The following STOX1 variants were observed in gnomAD, a reference collection of about 807,000 sequenced individuals.
STOX1 encodes storkhead box 1.
In STOX1, 57 loss-of-function variants were observed where a neutral mutation model predicts 74.8. The observed-to-expected ratio is 0.76, with a 90% confidence interval of 0.62 to 0.95. The LOEUF (loss-of-function observed/expected upper bound fraction) is 0.95, where lower values mean the gene tolerates loss of function less well. Ranked by LOEUF, STOX1 falls within the 40% of genes least tolerant of loss-of-function variation. The pLI is 0.00. For missense variants in STOX1, 1,010 were observed against 1,117.0 expected (o/e 0.90, Z 1.37); for synonymous variants, 375 against 401.3 (o/e 0.93, Z 0.78).
intron 1 of STOX1, among the ~76,000 whole-genome samples, chr10:68,855,386 G>A (rs1036377657): frequency 2.6e-5 from 4 of 151,424 alleles, no homozygotes; most frequent in African/African-American, 9.7e-5. Flanking sequence ...CTCCCAAAGT[G>A]CTGAGATTAT....
chr10:68,890,106 T>G (rs772776026), intron 3 of STOX1, among the ~76,000 whole-genome samples: 33 of 152,002 alleles, frequency 2.2e-4, no homozygotes, highest in Non-Finnish European at 4.7e-4. Context: ...CACAAGCTTG[T>G]TCTTTTTAAT....
intron 1 of STOX1, among the ~76,000 whole-genome samples, chr10:68,850,711 C>T (rs576439636): frequency 2.6e-5 from 4 of 152,196 alleles, no homozygotes; most frequent in African/African-American, 7.2e-5. Context: ...CAGTGGCTCA[C>T]GCCTGTAATC....
At position 68,884,653 on chromosome 10, in the gene STOX1, T is replaced by TG; in HGVS notation, c.858dup (p.Ser287ValfsTer8). The TG allele has an allele frequency of 6.2e-7, 1 of 1,614,138 alleles. No homozygotes were observed. The highest frequency in any genetic ancestry group is 8.5e-7 in the Non-Finnish European group (1 of 1,180,040). ...TGGGTACAGAATGGGGCAGTTTCAG[T>TG]GTCTGCGGAGCACCACATTTGTGAG... On this transcript the variant is annotated frameshift_variant, in exon 3 of 4. Transcript: ENST00000298596. LOFTEE classifies it high-confidence loss of function.
intron 1 of STOX1, among the ~76,000 whole-genome samples, chr10:68,881,048 T>G (rs1014338023): frequency 4.6e-5 from 7 of 152,196 alleles, no homozygotes; most frequent in African/African-American, 1.7e-4. Context: ...TTGGTGCTTT[T>G]CTTTATTCTC....
intron 1 of STOX1, among the ~76,000 whole-genome samples, chr10:68,848,272 G>T (rs1839902293): frequency 6.6e-6 from 1 of 152,172 alleles, no homozygotes; most frequent in Non-Finnish European, 1.5e-5. Flanking sequence ...CTTAGTCCCT[G>T]CTAATGGATC....
intron 2 of STOX1, among the ~76,000 whole-genome samples, chr10:68,883,472 G>C (rs1840859404): frequency 6.6e-6 from 1 of 151,992 alleles, no homozygotes; most frequent in Admixed American, 6.6e-5. Flanking sequence ...GAGTGCAGTG[G>C]TGCAATTACA....
intron 2 of STOX1, among the ~76,000 whole-genome samples, chr10:68,882,378 GA>G (rs1779839309): frequency 6.6e-6 from 1 of 152,004 alleles, no homozygotes; most frequent in Admixed American, 6.6e-5. Context: ...TGCAAAATGA[GA>G]AAGTAAAGTT....
In STOX1 at chr10:68,852,248, G is replaced by GATTTTT. The variant is rs200461358; in HGVS notation, c.310+24315_310+24316insATTTTT. Among the ~76,000 whole-genome samples the GATTTTT allele has an allele frequency of 5.7e-3, 755 of 131,982 alleles. 48 individuals carry two copies. Among genetic ancestry groups the GATTTTT allele is most frequent in the Middle Eastern group, 9.5e-3 (2 of 210 alleles). 86.6% of individuals were successfully genotyped at this position (131,982 alleles called of 152,430 possible). A position where few individuals can be genotyped will look rare whatever the true frequency, so the allele number is the denominator to read the frequency against. ...TATGAGTTTAAGTTTTTCTCTTACT[G>GATTTTT]CTTTTTTTTTTTTTTTTTTTTGAGA... On this transcript the variant is annotated intron_variant, in intron 1 of 3. Transcript: ENST00000298596.
At chr10:68,845,170 A>G (rs1839806900) in intron 1 of STOX1, among the ~76,000 whole-genome samples, 1 of 151,750 alleles carries the variant, frequency 6.6e-6, no homozygotes, top group Non-Finnish European at 1.5e-5. Flanking sequence ...TGGTGCGATC[A>G]CAGCTCACTG....
intron 1 of STOX1, among the ~76,000 whole-genome samples, chr10:68,880,164 C>CTTTTTTTTTTTTTTTTTTT (rs71028800): frequency 1.1e-4 from 14 of 124,406 alleles, no homozygotes; most frequent in Admixed American, 2.6e-4. Context: ...TCTTTCTTTC[C>CTTTTTTTTTTTTTTTTTTT]TTTTTTTTTT....
chr10:68,862,151 A>G (rs1840281222), intron 1 of STOX1, among the ~76,000 whole-genome samples: 1 of 152,106 alleles, frequency 6.6e-6, no homozygotes, highest in South Asian at 2.1e-4. Context: ...CAGCTGCTGC[A>G]CCAGTAGGCT....
At chr10:68,866,945 G>GTTTTT (rs71474450) in intron 1 of STOX1, among the ~76,000 whole-genome samples, 1,283 of 124,944 alleles carry the variant, frequency 0.01, 58 homozygotes, top group South Asian at 0.056. Flanking sequence ...TGCTTTCCTT[G>GTTTTT]TTTTTTTTTT....
intron 1 of STOX1, among the ~76,000 whole-genome samples, chr10:68,876,458 CA>C (rs569884095): frequency 3.9e-4 from 59 of 151,964 alleles, no homozygotes; most frequent in African/African-American, 1.3e-3. Flanking sequence ...ACCTGGCCAA[CA>C]AAAAAATTTT....
intron 1 of STOX1, among the ~76,000 whole-genome samples, chr10:68,852,877 G>T (rs1457174543): frequency 6.6e-6 from 1 of 151,870 alleles, no homozygotes; most frequent in East Asian, 1.9e-4. Flanking sequence ...GCCTTACTTG[G>T]CAGTTGTCTG....
rs1470085786 is a variant in STOX1 at position 68,893,024 on chromosome 10, A to T, written c.*288A>T. 8.3e-5 allele frequency: 25 copies of T among 299,584 alleles called. No individual in the cohort carries two copies. The highest frequency in any genetic ancestry group is 4.8e-5 in the Admixed American group (1 of 20,710). The allele number at this position is 299,584 out of a possible 1,614,324, so 18.6% of individuals were successfully genotyped here. A position where few individuals can be genotyped will look rare whatever the true frequency, so the allele number is the denominator to read the frequency against. ...CCAATTGTAATTATCTTGAATTTTT[A>T]TACATTAGTTTCTCAAATATATAGA... On this transcript the variant is annotated 3_prime_UTR_variant, in exon 4 of 4. Coordinates refer to ENST00000298596, the MANE Select transcript of STOX1 (RefSeq NM_152709.5).
chr10:68,841,372 C>T (rs1328126440), intron 1 of STOX1, among the ~76,000 whole-genome samples: 1 of 152,194 alleles, frequency 6.6e-6, no homozygotes, highest in Non-Finnish European at 1.5e-5. Flanking sequence ...TCTCTCATTT[C>T]CCTATCCCAA....
chr10:68,876,304 G>A (rs1434219317), intron 1 of STOX1, among the ~76,000 whole-genome samples: 1 of 151,750 alleles, frequency 6.6e-6, no homozygotes, highest in Non-Finnish European at 1.5e-5. Flanking sequence ...ATTCAGACAT[G>A]CGCCACCACA....
downstream of STOX1, among the ~76,000 whole-genome samples, chr10:68,894,005 T>G (rs2132010970): frequency 6.6e-6 from 1 of 152,286 alleles, no homozygotes; most frequent in South Asian, 2.1e-4. Flanking sequence ...TCAAGACTGG[T>G]TTCAGCATGT....
intron 2 of STOX1, among the ~76,000 whole-genome samples, chr10:68,882,744 G>A (rs1319311151): frequency 6.6e-6 from 1 of 152,064 alleles, no homozygotes; most frequent in Admixed American, 6.6e-5. Flanking sequence ...TGATCCACCC[G>A]CCTTGGCCCC....
Sources: gnomAD v4.1 joint callset for allele counts (sites outside exome capture counted in the v4.1 genomes callset) on GRCh38, gnomAD v4.1.1 for gene constraint, MANE v1.5 for transcripts, NCBI Gene and HGNC (gene_info 2026-07-23, HGNC 2026-07-21) for gene names.